The following THRB variants were observed in gnomAD, a reference collection of about 807,000 sequenced individuals.
THRB encodes nuclear receptor subfamily 1 group A member 2.
A neutral mutation model predicts 47.8 loss-of-function variants in THRB; 12 were observed. That is an observed-to-expected ratio of 0.25 (90% CI 0.16 to 0.41). The LOEUF (loss-of-function observed/expected upper bound fraction) is 0.41, where lower values mean the gene tolerates loss of function less well. Among genes scored for constraint, THRB ranks in the 10% least tolerant of loss-of-function variants. THRB has a pLI of 1.00. For missense variants in THRB, 348 were observed against 589.2 expected (o/e 0.59, Z 4.24); for synonymous variants, 218 against 212.2 (o/e 1.03, Z -0.24).
At chr3:24,385,401 T>TCA (rs1201914954) in intron 1 of THRB, among the ~76,000 whole-genome samples, 8 of 150,464 alleles carry the variant, frequency 5.3e-5, no homozygotes, top group African/African-American at 2.0e-4. Context: ...ACACTGCAAT[T>TCA]CACACACACA....
intron 2 of THRB, among the ~76,000 whole-genome samples, chr3:24,302,197 G>A (rs114500833): frequency 0.016 from 2,436 of 152,236 alleles, 56 homozygotes; most frequent in African/African-American, 0.048. Context: ...GGCAACAACC[G>A]TTCTAGATGT....
rs886058284 is a variant in THRB, at chr3:24,120,702, A to G, written c.*2182T>C. 1 of 152,302 alleles carries G rather than the reference A, an allele frequency of 6.6e-6. No homozygotes were observed. The highest frequency in any genetic ancestry group is 6.5e-5 in the Admixed American group (1 of 15,284). The allele number at this position is 152,302 out of a possible 1,614,324, so 9.4% of individuals were successfully genotyped here. On this transcript the variant is annotated 3_prime_UTR_variant, in exon 11 of 11. Transcript: ENST00000646209. Reference sequence around the variant, plus strand: ...AGAGAGGAAGCTGAAATATTAGCAGAGCAAGCAATTAAGGAGCCTGGCCAG... The same window carrying G: ...AGAGAGGAAGCTGAAATATTAGCAGGGCAAGCAATTAAGGAGCCTGGCCAG...
intron 2 of THRB, among the ~76,000 whole-genome samples, chr3:24,331,933 C>T (rs983943615): frequency 6.6e-6 from 1 of 152,150 alleles, no homozygotes; most frequent in Non-Finnish European, 1.5e-5. Flanking sequence ...AAAGCCCCAC[C>T]TTGACCATTC....
At chr3:24,302,695 A>G (rs2057033596) in intron 2 of THRB, among the ~76,000 whole-genome samples, 1 of 152,202 alleles carries the variant, frequency 6.6e-6, no homozygotes, top group South Asian at 2.1e-4. Flanking sequence ...TCGGCTAAGC[A>G]TTTACTATAC....
intron 1 of THRB, chr3:24,494,390 A>G (rs1290055909): frequency 1.3e-5 from 2 of 152,176 alleles, no homozygotes; most frequent in African/African-American, 2.4e-5. Context: ...ACCCTGTTCC[A>G]CCACTGTCCA....
intron 4 of THRB, among the ~76,000 whole-genome samples, chr3:24,196,003 T>A (rs1258580884): frequency 6.6e-6 from 1 of 152,226 alleles, no homozygotes; most frequent in African/African-American, 2.4e-5. Context: ...ACTGTTGTGG[T>A]CATTACTGTG....
chr3:24,369,067 A>T (rs1202035125), intron 1 of THRB, among the ~76,000 whole-genome samples: 1 of 152,092 alleles, frequency 6.6e-6, no homozygotes, highest in Non-Finnish European at 1.5e-5. Flanking sequence ...AGGTCTCACT[A>T]TGTTGCCCAG....
intron 3 of THRB, among the ~76,000 whole-genome samples, chr3:24,246,369 T>G (rs2050112931): frequency 6.6e-6 from 1 of 152,218 alleles, no homozygotes; most frequent in Non-Finnish European, 1.5e-5. Context: ...TAAGTGCCAC[T>G]GCTGCCTACT....
At chr3:24,453,527 T>C (rs909516056) in intron 1 of THRB, among the ~76,000 whole-genome samples, 6 of 152,226 alleles carry the variant, frequency 3.9e-5, no homozygotes, top group Non-Finnish European at 7.3e-5. Flanking sequence ...TTGCTCACTC[T>C]AGCAACAGCA....
At chr3:24,182,578 T>C (rs1191327977) in intron 5 of THRB, among the ~76,000 whole-genome samples, 1 of 152,210 alleles carries the variant, frequency 6.6e-6, no homozygotes, top group Non-Finnish European at 1.5e-5. Context: ...TAATGTCCAA[T>C]GTGGTTCTCA....
chr3:24,425,330 T>C (rs898225422), intron 1 of THRB, among the ~76,000 whole-genome samples: 1 of 151,940 alleles, frequency 6.6e-6, no homozygotes, highest in Non-Finnish European at 1.5e-5. Flanking sequence ...CTTCATAGGG[T>C]TTTTCTTTAA....
chr3:24,441,370 T>C (rs2071506820), intron 1 of THRB, among the ~76,000 whole-genome samples: 1 of 152,186 alleles, frequency 6.6e-6, no homozygotes, highest in South Asian at 2.1e-4. Flanking sequence ...GAATTCCACC[T>C]GTCACAAGGA....
At chr3:24,398,779 G>T (rs9816098) in intron 1 of THRB, among the ~76,000 whole-genome samples, 7,152 of 152,138 alleles carry the variant, frequency 0.047, 528 homozygotes, top group African/African-American at 0.16. Context: ...ACATGCACAC[G>T]TAAGTTTATT....
chr3:24,243,948 A>C (rs2049849615), intron 3 of THRB, among the ~76,000 whole-genome samples: 1 of 152,172 alleles, frequency 6.6e-6, no homozygotes, highest in Non-Finnish European at 1.5e-5. Flanking sequence ...AATTTTCTCA[A>C]AAATGACAGA....
At chr3:24,292,217 T>C (rs2055997974) in intron 3 of THRB, among the ~76,000 whole-genome samples, 1 of 152,184 alleles carries the variant, frequency 6.6e-6, no homozygotes, top group South Asian at 2.1e-4. Flanking sequence ...AAAATGCAAC[T>C]AGTGGTCACC....
intron 1 of THRB, among the ~76,000 whole-genome samples, chr3:24,447,345 A>G (rs1455996937): frequency 6.6e-6 from 1 of 152,216 alleles, no homozygotes; most frequent in Non-Finnish European, 1.5e-5. Flanking sequence ...ATTTAAAAAA[A>G]TTAACTCCTG....
chr3:24,414,552 T>G (rs2068586719), intron 1 of THRB, among the ~76,000 whole-genome samples: 1 of 152,024 alleles, frequency 6.6e-6, no homozygotes, highest in Non-Finnish European at 1.5e-5. Flanking sequence ...AATTACAAGA[T>G]ATTTTTAAAA....
At chr3:24,396,136 T>C (rs1053936642) in intron 1 of THRB, among the ~76,000 whole-genome samples, 4 of 152,020 alleles carry the variant, frequency 2.6e-5, no homozygotes, top group Admixed American at 1.3e-4. Context: ...GGTATGTGAA[T>C]TGTATCTCCA....
At chr3:24,317,538 A>G (rs1330376649) in intron 2 of THRB, among the ~76,000 whole-genome samples, 1 of 152,154 alleles carries the variant, frequency 6.6e-6, no homozygotes, top group Admixed American at 6.5e-5. Flanking sequence ...ACTCAATCCC[A>G]TAAGAAAACT....
Sources: gnomAD v4.1 joint callset for allele counts (sites outside exome capture counted in the v4.1 genomes callset) on GRCh38, gnomAD v4.1.1 for gene constraint, MANE v1.5 for transcripts, NCBI Gene and HGNC (gene_info 2026-07-23, HGNC 2026-07-21) for gene names.